NCOR2: variants seen among roughly 807,000 people sequenced by gnomAD.
NCOR2 encodes the protein CTG repeat protein 26.
Under a neutral mutation model 262.9 loss-of-function variants are expected in NCOR2, and 81 were observed. That is an observed-to-expected ratio of 0.31 (90% CI 0.26 to 0.37). The LOEUF (loss-of-function observed/expected upper bound fraction) is 0.37, where lower values mean the gene tolerates loss of function less well. Among genes scored for constraint, NCOR2 ranks in the 10% least tolerant of loss-of-function variants. The pLI, the probability that NCOR2 is intolerant of heterozygous loss-of-function variation, is 1.00. For synonymous variants in NCOR2, 1,659 were observed against 1,559.3 expected, an observed-to-expected ratio of 1.06 and a Z score of -1.51; for missense variants, 3,385 against 3,621.4, an observed-to-expected ratio of 0.93 and a Z score of 1.68.
At chr12:124,330,880 G>T in exon 44 of NCOR2, 1 of 1,582,982 alleles carries the variant, frequency 6.3e-7, no homozygotes, top group Admixed American at 1.8e-5. Context: ...GAAGATCTCC[G>T]TCCCAGGCTG....
intron 13 of NCOR2, among the ~76,000 whole-genome samples, chr12:124,410,497 C>T (rs2042514071): frequency 6.6e-6 from 1 of 151,870 alleles, no homozygotes; most frequent in Non-Finnish European, 1.5e-5. Context: ...CCCAATCCTG[C>T]CCAGCCCAGC....
chr12:124,503,563 GGATA>G lies in NCOR2; in HGVS notation c.-117-8199_-117-8196del, dbSNP rs938539232. Among the ~76,000 whole-genome samples, 8 of 151,392 alleles carry G rather than the reference GGATA, an allele frequency of 5.3e-5. No homozygotes were observed. Among genetic ancestry groups the G allele is most frequent in the South Asian group, 2.1e-4 (1 of 4,774 alleles). On this transcript the variant is annotated intron_variant, in intron 1 of 46. Transcript: ENST00000404621. This position sits in a 1 kb window ranked among gnomAD's most constrained non-coding sequence, Gnocchi z 4.3. ...TGGATGGATGGACGAATGGATGGATGGATAGATGGAAGACGGACGGATGGACGGA... is the reference window on the plus strand; with the variant it reads ...TGGATGGATGGACGAATGGATGGATGGATGGAAGACGGACGGATGGACGGA...
At chr12:124,345,734 T>G (rs913480052) in intron 31 of NCOR2, among the ~76,000 whole-genome samples, 1 of 152,232 alleles carries the variant, frequency 6.6e-6, no homozygotes, top group Non-Finnish European at 1.5e-5. Context: ...ACCCTTCCCC[T>G]GGCAATCAGG....
At chr12:124,360,305 C>T (rs2038449845) in intron 22 of NCOR2, among the ~76,000 whole-genome samples, 1 of 152,250 alleles carries the variant, frequency 6.6e-6, no homozygotes, top group South Asian at 2.1e-4. Context: ...TCCAGCGAGA[C>T]ATCCCTGGCG....
chr12:124,442,509 G>A (rs2044871651), intron 7 of NCOR2, among the ~76,000 whole-genome samples: 1 of 152,202 alleles, frequency 6.6e-6, no homozygotes, highest in South Asian at 2.1e-4. Flanking sequence ...TGACGTGTGT[G>A]GGGGAACTCT....
At position 124,348,162 on chromosome 12, in the gene NCOR2, C is replaced by T. The variant is rs766225647; in HGVS notation, c.3985+12G>A. ...GGGGCACCGAGAGATGAAGTCTCCT[C>T]CCTGCTATCACCTTCGATGCTGGCT... On this transcript the variant is annotated intron_variant, in intron 29 of 46. Coordinates refer to ENST00000405201, the Ensembl canonical transcript of NCOR2. 2 of 1,609,058 alleles carry T rather than the reference C, an allele frequency of 1.2e-6. No homozygotes were observed. Among genetic ancestry groups the T allele is most frequent in the Non-Finnish European group, 1.7e-6 (2 of 1,179,998 alleles).
chr12:124,529,475 AAAAAAAT>A (rs1392772587), intron 1 of NCOR2, among the ~76,000 whole-genome samples: 3 of 152,286 alleles, frequency 2.0e-5, no homozygotes, highest in South Asian at 2.1e-4. Context: ...CTCTGTCTCA[AAAAAAAT>A]AAAAAATAAA....
At chr12:124,543,249 G>A (rs942589500) in intron 1 of NCOR2, among the ~76,000 whole-genome samples, 24 of 152,210 alleles carry the variant, frequency 1.6e-4, no homozygotes, top group Admixed American at 1.6e-3. Context: ...GCCCAGGAAC[G>A]CGCCCCAGCC....
At chr12:124,441,508 C>G (rs2044803713) in intron 7 of NCOR2, among the ~76,000 whole-genome samples, 2 of 152,198 alleles carry the variant, frequency 1.3e-5, no homozygotes, top group Admixed American at 1.3e-4. Flanking sequence ...AGGAGGGAAA[C>G]AGAAAATCGT....
At chr12:124,536,238 G>A (rs373163328), upstream of NCOR2, among the ~76,000 whole-genome samples, 8 of 152,002 alleles carry the variant, frequency 5.3e-5, no homozygotes, top group South Asian at 2.1e-4. Flanking sequence ...CACCATGCCC[G>A]GCTAATTTTT....
intron 11 of NCOR2, 27 bp from the exon 14 acceptor site, chr12:124,422,582 G>A (rs751878915): frequency 6.2e-7 from 1 of 1,613,296 alleles, no homozygotes; most frequent in Non-Finnish European, 8.5e-7. Context: ...GTGGGCGTGA[G>A]ACCTGGCCGA....
At position 124,450,168 on chromosome 12, in the gene NCOR2, G is replaced by A. The variant is rs184189072; in HGVS notation, c.763-301C>T. On this transcript the variant is annotated intron_variant, in intron 6 of 46. Coordinates refer to ENST00000405201, the Ensembl canonical transcript of NCOR2. ...AGGGGCCACAGCCCAGAGCACACCC[G>A]GACAAACCCACACACACCCCAGAGA... Among the ~76,000 whole-genome samples, 44 of 152,336 alleles carry A rather than the reference G, an allele frequency of 2.9e-4. No homozygotes were observed. In the East Asian group the frequency reaches 8.1e-3, roughly 28 times the overall value.
intron 4 of NCOR2, among the ~76,000 whole-genome samples, chr12:124,468,196 TTA>T (rs2046599553): frequency 3.4e-5 from 1 of 29,120 alleles, no homozygotes; most frequent in Non-Finnish European, 7.0e-5. Flanking sequence ...ACCCTCATCC[TTA>T]TCACCCCCCT....
chr12:124,416,612 G>A (rs181243165), intron 13 of NCOR2, among the ~76,000 whole-genome samples: 390 of 145,316 alleles, frequency 2.7e-3, no homozygotes, highest in Admixed American at 4.4e-3. Flanking sequence ...TAGACCCCGC[G>A]GCACAGGGAG....
chr12:124,554,423 C>T (rs1326694885), intron 1 of NCOR2, among the ~76,000 whole-genome samples: 1 of 152,198 alleles, frequency 6.6e-6, no homozygotes, highest in African/African-American at 2.4e-5. Flanking sequence ...AATATCTCCT[C>T]TGGGAAGCTC....
intron 3 of NCOR2, among the ~76,000 whole-genome samples, chr12:124,473,337 G>A (rs536453307): frequency 1.3e-5 from 2 of 152,176 alleles, no homozygotes; most frequent in Non-Finnish European, 2.9e-5. Flanking sequence ...ATCTGTGTAG[G>A]CACCATCTAA....
intron 20 of NCOR2, among the ~76,000 whole-genome samples, chr12:124,369,226 G>A (rs901106809): frequency 5.3e-5 from 8 of 152,204 alleles, no homozygotes; most frequent in Non-Finnish European, 1.0e-4. Context: ...AGGCAGGCTC[G>A]GGGTTTTGCA....
chr12:124,336,834 G>C, exon 38 of NCOR2: 3 of 1,612,932 alleles, frequency 1.9e-6, no homozygotes, highest in Non-Finnish European at 2.5e-6. Flanking sequence ...GCCGAGGCAG[G>C]TGGCGCCGGC....
chr12:124,422,616 C>G, intron 11 of NCOR2, 61 bp from the exon 14 acceptor site: 1 of 1,598,582 alleles, frequency 6.3e-7, no homozygotes, highest in South Asian at 1.1e-5. Context: ...GCGGGGCAGC[C>G]GATCGGCTCC....
Sources: gnomAD v4.1 joint callset for allele counts (sites outside exome capture counted in the v4.1 genomes callset) on GRCh38, gnomAD v4.1.1 for gene constraint, Gnocchi (gnomAD v3.1) non-coding constraint, MANE v1.5 for transcripts, NCBI Gene and HGNC (gene_info 2026-07-23, HGNC 2026-07-21) for gene names.